Variants in NRG3 observed in about 807,000 individuals in gnomAD.
NRG3 encodes the protein pro-neuregulin-3, membrane-bound isoform.
Under a neutral mutation model 66.9 loss-of-function variants are expected in NRG3, and 31 were observed. That is an observed-to-expected ratio of 0.46 (90% CI 0.35 to 0.63). The LOEUF (loss-of-function observed/expected upper bound fraction) is 0.63, where lower values mean the gene tolerates loss of function less well. NRG3 is among the 20% of genes least tolerant of loss of function. The pLI, the probability that NRG3 is intolerant of heterozygous loss-of-function variation, is 0.00. For missense variants in NRG3, 910 were observed against 878.9 expected (o/e 1.04, Z -0.45); for synonymous variants, 393 against 359.4 (o/e 1.09, Z -1.06).
intron 2 of NRG3, among the ~76,000 whole-genome samples, chr10:82,572,586 G>T (rs1377189795): frequency 6.7e-6 from 1 of 149,334 alleles, no homozygotes; most frequent in East Asian, 2.0e-4. Flanking sequence ...ATTCAATCAG[G>T]TGGTTTTTTT....
At chr10:82,559,639 G>A (rs767783470) in intron 2 of NRG3, among the ~76,000 whole-genome samples, 6 of 152,198 alleles carry the variant, frequency 3.9e-5, no homozygotes, top group Non-Finnish European at 4.4e-5. Flanking sequence ...GCAGCATGTA[G>A]CTTCCTTCAT....
chr10:82,553,881 G>T (rs1204297554), intron 2 of NRG3, among the ~76,000 whole-genome samples: 1 of 152,096 alleles, frequency 6.6e-6, no homozygotes, highest in African/African-American at 2.4e-5. Flanking sequence ...TTATCTGCAA[G>T]ATGTAATTAG....
intron 1 of NRG3, among the ~76,000 whole-genome samples, chr10:82,093,736 C>T (rs2066167512): frequency 6.6e-6 from 1 of 152,114 alleles, no homozygotes; most frequent in African/African-American, 2.4e-5. Context: ...CTTTATATTT[C>T]AATAGAACAT....
intron 1 of NRG3, among the ~76,000 whole-genome samples, chr10:82,115,254 C>T (rs1026708529): frequency 5.3e-5 from 8 of 152,054 alleles, no homozygotes; most frequent in African/African-American, 1.9e-4. Context: ...AGAGCTTCCC[C>T]ACCTCTCCCT....
chr10:82,666,534 T>G (rs1018589547), intron 2 of NRG3, among the ~76,000 whole-genome samples: 6 of 152,202 alleles, frequency 3.9e-5, no homozygotes, highest in African/African-American at 1.4e-4. Context: ...AAAAATTGAT[T>G]TTCTGTCTCT....
At position 82,843,332 on chromosome 10, in the gene NRG3, C is replaced by T; in HGVS notation, c.1028-22079C>T. 4.8e-6 allele frequency: 2 copies of T among 420,694 alleles called. 1 individual carries two copies. The highest frequency in any genetic ancestry group is 9.7e-6 in the Non-Finnish European group (2 of 207,010). The allele number at this position is 420,694 out of a possible 1,614,324, so 26.1% of individuals were successfully genotyped here. On this transcript the variant is annotated intron_variant, in intron 3 of 8. Transcript: ENST00000372141. Reference sequence around the variant, plus strand: ...GACAATTTAGCTCCCTTTGCTCTCTCTGATCCTCTCTGCCCTTCCTTCCAT... The same window carrying T: ...GACAATTTAGCTCCCTTTGCTCTCTTTGATCCTCTCTGCCCTTCCTTCCAT...
intron 1 of NRG3, among the ~76,000 whole-genome samples, chr10:81,906,233 A>G (rs1339804828): frequency 1.3e-5 from 2 of 151,902 alleles, no homozygotes; most frequent in African/African-American, 2.4e-5. Context: ...CATCATCATC[A>G]TGTTCATTGG....
intron 3 of NRG3, among the ~76,000 whole-genome samples, chr10:82,771,593 A>T (rs954626287): frequency 2.6e-5 from 4 of 152,116 alleles, no homozygotes; most frequent in African/African-American, 9.7e-5. Flanking sequence ...AGAGGGAAAA[A>T]CATTCTTACT....
chr10:82,937,212 T>C (rs909158796), intron 4 of NRG3, among the ~76,000 whole-genome samples: 6 of 152,216 alleles, frequency 3.9e-5, no homozygotes, highest in Non-Finnish European at 7.3e-5. Context: ...ATAATGGTAA[T>C]AATATAGTAG....
chr10:82,598,464 G>A (rs2133374414), intron 2 of NRG3, among the ~76,000 whole-genome samples: 1 of 152,250 alleles, frequency 6.6e-6, no homozygotes, highest in African/African-American at 2.4e-5. Flanking sequence ...TCTATCCTTT[G>A]GTTCTTCAAA....
intron 1 of NRG3, among the ~76,000 whole-genome samples, chr10:82,220,973 G>A (rs1358768315): frequency 2.6e-5 from 4 of 152,134 alleles, no homozygotes; most frequent in African/African-American, 9.7e-5. Context: ...GACAGAAGAA[G>A]ACACTATTGT....
In NRG3 at chr10:82,865,448, ACAAT is replaced by A; in HGVS notation, c.1054+12_1054+15del. The stretch of plus-strand genomic sequence containing the variant: ...GGATTGAATTCATGGGTAAGACTAA[ACAAT>A]TTGCTCATTTAATATCCTGGAAATG... On this transcript the variant is annotated intron_variant, in intron 4 of 8. Transcript: ENST00000372141. 6.2e-7 allele frequency: 1 copy of A among 1,612,054 alleles called. No individual in the cohort carries two copies. Among genetic ancestry groups the A allele is most frequent in the African/African-American group, 1.3e-5 (1 of 74,992 alleles).
chr10:82,976,635 C>G (rs1852280703), intron 7 of NRG3, among the ~76,000 whole-genome samples: 1 of 152,072 alleles, frequency 6.6e-6, no homozygotes. Context: ...TAGTTTCTAC[C>G]TTTTTTGTTT....
At chr10:82,200,515 A>G (rs1197819107) in intron 1 of NRG3, among the ~76,000 whole-genome samples, 2 of 152,198 alleles carry the variant, frequency 1.3e-5, no homozygotes, top group Admixed American at 6.5e-5. Flanking sequence ...TATTTCTCAC[A>G]AGGAATGAGG....
chr10:82,592,811 T>C (rs558883832), intron 2 of NRG3, among the ~76,000 whole-genome samples: 14 of 152,190 alleles, frequency 9.2e-5, no homozygotes, highest in Non-Finnish European at 1.5e-4. Flanking sequence ...TATCTAAATG[T>C]GTATATGTTG....
intron 1 of NRG3, among the ~76,000 whole-genome samples, chr10:82,132,157 T>C (rs1352658239): frequency 1.3e-5 from 2 of 152,048 alleles, no homozygotes; most frequent in African/African-American, 4.8e-5. Flanking sequence ...TTTAGTATGA[T>C]ACTAGCTGTG....
chr10:82,604,068 A>G lies in NRG3; in HGVS notation c.954-134509A>G, dbSNP rs995158880. ...AAAACACTATTTTTACCTAAAGGCC[A>G]TAGTTTATGTTAAAGTTAATTATTT... On this transcript the variant is annotated intron_variant, in intron 2 of 8. Transcript: ENST00000372141. 3.3e-5 allele frequency among the ~76,000 whole-genome samples: 5 copies of G among 152,118 alleles called. No individual in the cohort carries two copies. The South Asian group carries it at 8.3e-4, about 25-fold the overall frequency.
In NRG3 at chr10:82,139,204, T is replaced by C. The variant is rs114310530; in HGVS notation, c.824-219535T>C. 9.2e-3 allele frequency among the ~76,000 whole-genome samples: 1,396 copies of C among 152,272 alleles called. 23 individuals are homozygous for C. Among genetic ancestry groups the C allele is most frequent in the African/African-American group, 0.029 (1,193 of 41,564 alleles). ...CATATACAGCCTCTAACAAGCAAGC[T>C]CCTGAAATATGATTTCTCATTGAGC... On this transcript the variant is annotated intron_variant, in intron 1 of 8. Coordinates refer to ENST00000372141, the MANE Select transcript of NRG3 (RefSeq NM_001010848.4).
At chr10:82,702,428 A>G (rs894185503) in intron 2 of NRG3, among the ~76,000 whole-genome samples, 1 of 152,198 alleles carries the variant, frequency 6.6e-6, no homozygotes, top group Non-Finnish European at 1.5e-5. Context: ...GCCTTAAACT[A>G]GTATTTCCCA....
Sources: gnomAD v4.1 joint callset for allele counts (sites outside exome capture counted in the v4.1 genomes callset) on GRCh38, gnomAD v4.1.1 for gene constraint, MANE v1.5 for transcripts, NCBI Gene and HGNC (gene_info 2026-07-23, HGNC 2026-07-21) for gene names.